CCDC178: variants seen among roughly 807,000 people sequenced by gnomAD.
CCDC178 encodes coiled-coil domain containing 178.
A neutral mutation model predicts 117.4 loss-of-function variants in CCDC178; 126 were observed. That is an observed-to-expected ratio of 1.07 (90% CI 0.93 to 1.24). The LOEUF is 1.24. CCDC178 is among the 50% of genes most tolerant of loss of function. CCDC178 has a pLI of 0.00. For synonymous variants in CCDC178, 283 were observed against 313.4 expected (o/e 0.90, Z 1.02); for missense variants, 1,030 against 986.9 (o/e 1.04, Z -0.59).
chr18:33,434,878 T>C (rs1337426716), intron 2 of CCDC178, among the ~76,000 whole-genome samples: 1 of 152,174 alleles, frequency 6.6e-6, no homozygotes, highest in Non-Finnish European at 1.5e-5. Flanking sequence ...TAAAATGTTC[T>C]TTCCCAGTGT....
intron 21 of CCDC178, among the ~76,000 whole-genome samples, chr18:32,993,173 A>C (rs2055430012): frequency 1.3e-5 from 2 of 152,264 alleles, no homozygotes; most frequent in South Asian, 4.1e-4. Context: ...CTGAAGAAAA[A>C]AAAAATTAAG....
intron 12 of CCDC178, among the ~76,000 whole-genome samples, chr18:33,285,580 T>C (rs1229222283): frequency 6.6e-6 from 1 of 152,046 alleles, no homozygotes; most frequent in Non-Finnish European, 1.5e-5. Flanking sequence ...TTAAATAAAA[T>C]CCTTGCAAAT....
intron 5 of CCDC178, among the ~76,000 whole-genome samples, chr18:33,374,460 G>C (rs1297917582): frequency 6.6e-6 from 1 of 152,084 alleles, no homozygotes; most frequent in Non-Finnish European, 1.5e-5. Context: ...ACACTATAAT[G>C]CCTAAAATTA....
At chr18:33,214,944 C>G (rs1445638114) in intron 19 of CCDC178, among the ~76,000 whole-genome samples, 1 of 151,838 alleles carries the variant, frequency 6.6e-6, no homozygotes, top group Non-Finnish European at 1.5e-5. Context: ...AAGTCCAGTT[C>G]TCAATGTTTT....
At chr18:33,432,420 T>C (rs1434545481) in intron 2 of CCDC178, among the ~76,000 whole-genome samples, 1 of 151,894 alleles carries the variant, frequency 6.6e-6, no homozygotes, top group Non-Finnish European at 1.5e-5. Flanking sequence ...TGCTTAAAGA[T>C]GGTAGTAATA....
At chr18:33,188,867 A>G (rs1423028300) in intron 20 of CCDC178, among the ~76,000 whole-genome samples, 1 of 152,192 alleles carries the variant, frequency 6.6e-6, no homozygotes, top group African/African-American at 2.4e-5. Flanking sequence ...GCAATAGAAA[A>G]TGACTACAGT....
At chr18:33,225,439 C>A (rs924094859) in intron 16 of CCDC178, among the ~76,000 whole-genome samples, 1 of 152,022 alleles carries the variant, frequency 6.6e-6, no homozygotes, top group African/African-American at 2.4e-5. Flanking sequence ...GGATTACAGG[C>A]GTGAGCCACC....
chr18:33,027,478 C>T (rs966998558), intron 21 of CCDC178, among the ~76,000 whole-genome samples: 1 of 151,376 alleles, frequency 6.6e-6, no homozygotes, highest in African/African-American at 2.4e-5. Flanking sequence ...AAGAAAAACT[C>T]CCTGCCACAT....
intron 21 of CCDC178, among the ~76,000 whole-genome samples, chr18:32,987,005 C>G (rs1274472312): frequency 6.6e-6 from 1 of 150,646 alleles, no homozygotes; most frequent in Non-Finnish European, 1.5e-5. Flanking sequence ...GTGGTTTGGC[C>G]TTCAAGAAAA....
chr18:33,032,336 C>T (rs1263537338), intron 21 of CCDC178, among the ~76,000 whole-genome samples: 2 of 152,026 alleles, frequency 1.3e-5, no homozygotes, highest in Non-Finnish European at 2.9e-5. Context: ...TTTTCAAAGT[C>T]AGCATTAGAA....
chr18:33,183,204 T>C (rs2058751159), intron 20 of CCDC178, among the ~76,000 whole-genome samples: 1 of 152,082 alleles, frequency 6.6e-6, no homozygotes, highest in Admixed American at 6.6e-5. Context: ...GGCTGACTTT[T>C]AGGCTTTTGA....
At chr18:33,220,889 T>TC (rs2059224715) in intron 18 of CCDC178, among the ~76,000 whole-genome samples, 1 of 151,976 alleles carries the variant, frequency 6.6e-6, no homozygotes, top group African/African-American at 2.4e-5. Context: ...GACTCCTAAT[T>TC]CCCAAATTCT....
chr18:33,159,030 T>C (rs2058433201), intron 20 of CCDC178, among the ~76,000 whole-genome samples: 1 of 152,058 alleles, frequency 6.6e-6, no homozygotes, highest in South Asian at 2.1e-4. Context: ...CTATGCATAA[T>C]AGAACTCACT....
intron 5 of CCDC178, 61 bp from the exon 6 acceptor site, chr18:33,370,250 C>G: frequency 7.8e-7 from 1 of 1,281,014 alleles, no homozygotes; most frequent in Non-Finnish European, 1.1e-6. Context: ...TTTTGATGTT[C>G]AGAATAAGCA....
At chr18:33,121,852 T>G (rs1337198149) in intron 20 of CCDC178, among the ~76,000 whole-genome samples, 3 of 152,168 alleles carry the variant, frequency 2.0e-5, no homozygotes, top group African/African-American at 7.2e-5. Context: ...GGTAGGTCAG[T>G]AGTCTCTTGA....
chr18:33,135,782 G>A (rs77089721), intron 20 of CCDC178, among the ~76,000 whole-genome samples: 1,914 of 152,242 alleles, frequency 0.013, 42 homozygotes, highest in East Asian at 0.1. Context: ...TTGCTGATGG[G>A]AAGAATAGGG....
chr18:33,397,599 T>C (rs887827622), intron 3 of CCDC178, among the ~76,000 whole-genome samples: 2 of 152,146 alleles, frequency 1.3e-5, no homozygotes, highest in African/African-American at 4.8e-5. Flanking sequence ...TATGGTAAGA[T>C]TGGCCTTATG....
At chr18:32,951,489 G>C (rs2054481842) in intron 22 of CCDC178, among the ~76,000 whole-genome samples, 1 of 152,150 alleles carries the variant, frequency 6.6e-6, no homozygotes, top group African/African-American at 2.4e-5. Flanking sequence ...ATTAGATCTT[G>C]TGAGAACTTA....
intron 12 of CCDC178, among the ~76,000 whole-genome samples, chr18:33,275,016 A>T (rs976939333): frequency 5.9e-5 from 9 of 152,122 alleles, no homozygotes; most frequent in African/African-American, 2.2e-4. Context: ...GTACAACTTC[A>T]AAAGTATTAA....
Sources: allele counts gnomAD v4.1 joint callset (sites outside exome capture counted in the v4.1 genomes callset), GRCh38; gene constraint gnomAD v4.1.1; transcripts MANE v1.5; gene names NCBI Gene and HGNC (gene_info 2026-07-23, HGNC 2026-07-21).